Variants in PITPNM3 observed in about 807,000 individuals in gnomAD.
PITPNM3 encodes PITPNM family member 3.
In PITPNM3, 26 loss-of-function variants were observed where a neutral mutation model predicts 102.0. The observed-to-expected ratio is 0.25, with a 90% CI of 0.19 to 0.35. The LOEUF (loss-of-function observed/expected upper bound fraction) is 0.35, where lower values mean the gene tolerates loss of function less well. PITPNM3 is among the 10% of genes least tolerant of loss of function. PITPNM3 has a pLI of 1.00. For missense variants in PITPNM3, 1,083 were observed against 1,346.1 expected, an observed-to-expected ratio of 0.80 and a Z score of 3.06; for synonymous variants, 578 against 558.6, an observed-to-expected ratio of 1.03 and a Z score of -0.49.
At position 6,461,381 on chromosome 17, in the gene PITPNM3, T is replaced by G. The variant is rs1284501962; in HGVS notation, c.2482A>C (p.Met828Leu). The change falls in exon 18 of 20, where the codon ATG becomes CTG. Residue 828 changes from methionine to leucine, a missense_variant. Around this residue, in one of 5 missense-constraint regions of PITPNM3, gnomAD observed 410 missense variants for 638.4 expected, o/e 0.64. Coordinates refer to ENST00000262483, the MANE Select transcript of PITPNM3 (RefSeq NM_031220.4). ...RQKAIFLRNL[M>L]QECFIKISAA... ...CCAGGATGGCCACTCACCTCCTGCA[T>G]GAGGTTGCGCAGGAAGATGGCCTTC... is the stretch of plus-strand genomic sequence containing the variant. 1 of 1,613,640 alleles carries G rather than the reference T, an allele frequency of 6.2e-7. No individual in the cohort carries two copies. Among genetic ancestry groups the G allele is most frequent in the Non-Finnish European group, 8.5e-7 (1 of 1,179,804 alleles).
chr17:6,458,110 C>T lies in PITPNM3; in HGVS notation c.2491-388G>A, dbSNP rs569317952. ...GCTCCTGATCCTGTGCTGTCCACACCGCTCCACACTGCAGCTTGCCATGTG... is the reference window on the plus strand; with the variant it reads ...GCTCCTGATCCTGTGCTGTCCACACTGCTCCACACTGCAGCTTGCCATGTG... On this transcript the variant is annotated intron_variant, in intron 18 of 19. Transcript: ENST00000262483. The surrounding 1 kb of genome is among the most constrained non-coding windows in gnomAD (Gnocchi z 5.1). Among the ~76,000 whole-genome samples, 5 of 152,176 alleles carry T rather than the reference C, an allele frequency of 3.3e-5. No individual in the cohort carries two copies. The South Asian group carries it at 6.2e-4, about 19-fold the overall frequency.
rs571380564 is a variant in PITPNM3 at position 6,478,957 on chromosome 17, C to T, written c.588-221G>A. 35 of 589,954 alleles carry T rather than the reference C, an allele frequency of 5.9e-5. No homozygotes were observed. The South Asian group carries it at 6.3e-4, about 11-fold the overall frequency. The allele number at this position is 589,954 out of a possible 1,614,324, so 36.5% of individuals were successfully genotyped here. ...ACACTGACTCCCTGTGTGTCCTTCC[C>T]GTGCTGGCCATGGGTGTGGGCCCTG... On this transcript the variant is annotated intron_variant, in intron 6 of 19. Transcript: ENST00000262483. This position sits in a 1 kb window ranked among gnomAD's most constrained non-coding sequence, Gnocchi z 4.4.
chr17:6,526,530 A>G (rs994593982), intron 2 of PITPNM3, among the ~76,000 whole-genome samples: 4 of 152,218 alleles, frequency 2.6e-5, no homozygotes, highest in Admixed American at 6.5e-5. Context: ...AGGAATCAAT[A>G]TGGTGCATCT....
Position 6,545,917 on chromosome 17 carries a change from C to T in PITPNM3, c.23-7835G>A, listed in dbSNP as rs536510283. Among the ~76,000 whole-genome samples, 95 of 152,340 alleles carry T rather than the reference C, an allele frequency of 6.2e-4. 2 individuals carry two copies. Among genetic ancestry groups the T allele is most frequent in the African/African-American group, 2.3e-3 (94 of 41,568 alleles). On this transcript the variant is annotated intron_variant, in intron 1 of 19. Transcript: ENST00000262483. ...TATCCTGTGCCAGGTCAGGGCTGGGCACACAGAAGGCTCTTGTCAGGCTCA... is the reference window on the plus strand; with the variant it reads ...TATCCTGTGCCAGGTCAGGGCTGGGTACACAGAAGGCTCTTGTCAGGCTCA...
At chr17:6,476,920 G>T in intron 9 of PITPNM3, 109 bp downstream of exon 9, 1 of 1,370,602 alleles carries the variant, frequency 7.3e-7, no homozygotes, top group East Asian at 2.5e-5. Context: ...CAGCATTTCA[G>T]TGCTTATCTA....
chr17:6,503,891 G>A (rs1035295618), intron 3 of PITPNM3, among the ~76,000 whole-genome samples: 1 of 152,076 alleles, frequency 6.6e-6, no homozygotes, highest in Non-Finnish European at 1.5e-5. Flanking sequence ...GGAGCTGCCT[G>A]CCTCTCTATA....
At chr17:6,546,103 G>A (rs1910007419) in intron 1 of PITPNM3, among the ~76,000 whole-genome samples, 15 of 152,226 alleles carry the variant, frequency 9.9e-5, no homozygotes, top group Admixed American at 9.8e-4. Flanking sequence ...GGCTGTCCAG[G>A]GAGAGATGAG....
chr17:6,490,146 C>T (rs1316014055), intron 4 of PITPNM3, among the ~76,000 whole-genome samples: 3 of 152,096 alleles, frequency 2.0e-5, no homozygotes, highest in Non-Finnish European at 4.4e-5. Context: ...CTGGGAAGAA[C>T]TACAGCCTCA....
At chr17:6,515,684 T>A (rs969842094) in intron 3 of PITPNM3, among the ~76,000 whole-genome samples, 9 of 151,552 alleles carry the variant, frequency 5.9e-5, no homozygotes, top group South Asian at 2.1e-4. Flanking sequence ...TTTGGCTGAA[T>A]AATCCAATCT....
intron 4 of PITPNM3, among the ~76,000 whole-genome samples, chr17:6,485,802 G>C (rs1262482284): frequency 6.6e-6 from 1 of 152,138 alleles, no homozygotes; most frequent in East Asian, 1.9e-4. Context: ...ACCTAACACA[G>C]AATTCAGTAA....
At chr17:6,503,225 C>A (rs1907289463) in intron 4 of PITPNM3, among the ~76,000 whole-genome samples, 1 of 152,180 alleles carries the variant, frequency 6.6e-6, no homozygotes, top group Non-Finnish European at 1.5e-5. Flanking sequence ...AGCTCACACT[C>A]CCAACCCACC....
chr17:6,512,058 T>G (rs764269222), intron 3 of PITPNM3, among the ~76,000 whole-genome samples: 8 of 152,198 alleles, frequency 5.3e-5, no homozygotes, highest in Non-Finnish European at 1.0e-4. Flanking sequence ...TGGGCTTCCA[T>G]AGCAGAGGAG....
At chr17:6,519,229 C>T (rs1445468434) in intron 3 of PITPNM3, among the ~76,000 whole-genome samples, 2 of 59,660 alleles carry the variant, frequency 3.4e-5, no homozygotes, top group South Asian at 5.2e-4. Context: ...CCCAGCTACT[C>T]GGGAGGCTGA....
intron 10 of PITPNM3, chr17:6,473,089 T>C: frequency 1.9e-6 from 1 of 536,902 alleles, no homozygotes; most frequent in Non-Finnish European, 3.4e-6. Flanking sequence ...CTCTGAGCCT[T>C]TGCTCAAAAC....
At chr17:6,494,178 T>C (rs1906660816) in intron 4 of PITPNM3, among the ~76,000 whole-genome samples, 1 of 152,194 alleles carries the variant, frequency 6.6e-6, no homozygotes, top group African/African-American at 2.4e-5. Context: ...TAAAGTGATT[T>C]CTCTCAAGAT....
chr17:6,476,667 C>T (rs1345985386), intron 9 of PITPNM3, among the ~76,000 whole-genome samples: 1 of 152,212 alleles, frequency 6.6e-6, no homozygotes, highest in Non-Finnish European at 1.5e-5. Flanking sequence ...TCGGGTGACT[C>T]ACAAAACACA....
chr17:6,547,743 C>CTT (rs528759983), intron 1 of PITPNM3, among the ~76,000 whole-genome samples: 11 of 146,058 alleles, frequency 7.5e-5, no homozygotes, highest in Admixed American at 2.1e-4. Context: ...CTTTTCTTTT[C>CTT]TTTTTTTTTT....
chr17:6,483,073 A>T (rs889825535), intron 6 of PITPNM3, among the ~76,000 whole-genome samples: 2 of 151,556 alleles, frequency 1.3e-5, no homozygotes, highest in African/African-American at 4.9e-5. Flanking sequence ...GCCTCCCAAG[A>T]AGCTGGGACT....
intron 3 of PITPNM3, among the ~76,000 whole-genome samples, chr17:6,518,863 C>T (rs2150632720): frequency 6.6e-6 from 1 of 152,250 alleles, no homozygotes; most frequent in Non-Finnish European, 1.5e-5. Flanking sequence ...TTCTGGAATC[C>T]TAGGGCGAGG....
Sources: allele counts gnomAD v4.1 joint callset (sites outside exome capture counted in the v4.1 genomes callset), GRCh38; gene constraint gnomAD v4.1.1; regional missense constraint gnomAD v4.1.1; non-coding constraint Gnocchi (gnomAD v3.1); transcripts MANE v1.5; gene names NCBI Gene and HGNC (gene_info 2026-07-23, HGNC 2026-07-21).